Variants in PRPF8 observed in about 807,000 individuals in gnomAD.
PRPF8 encodes the protein pre-mRNA processing factor 8.
In PRPF8, 64 loss-of-function variants were observed where a neutral mutation model predicts 285.9. The ratio of observed to expected loss-of-function variants is 0.22; its 90% confidence interval spans 0.18 to 0.28. The LOEUF (loss-of-function observed/expected upper bound fraction) is 0.28. Ranked by LOEUF, PRPF8 falls within the 10% of genes least tolerant of loss-of-function variation. The probability of loss-of-function intolerance (pLI) is 1.00; values close to 1 mark genes in which losing one functional copy is unlikely to be tolerated. For synonymous variants in PRPF8, 1,325 were observed against 1,118.2 expected, an observed-to-expected ratio of 1.18 and a Z score of -3.69; for missense variants, 1,426 against 3,026.7, an observed-to-expected ratio of 0.47 and a Z score of 12.41.
At chr17:1,655,619 ACCCAAGAAT>A (rs1911330193) in intron 36 of PRPF8, 76 bp from the exon 37 acceptor site, 1 of 1,357,716 alleles carries the variant, frequency 7.4e-7, no homozygotes, top group East Asian at 2.3e-5. Context: ...CTTTCATGAA[ACCCAAGAAT>A]TTTTTTTTTT....
Position 1,683,709 on chromosome 17 carries a change from G to A in PRPF8, c.101-8C>T, listed in dbSNP as rs369806898. Reference sequence around the variant, plus strand: ...ATTGCTGCCATTTTCGAGCTGGAAAGGCACCTCAGTTTAAAGGCCTGCACA... The same window carrying A: ...ATTGCTGCCATTTTCGAGCTGGAAAAGCACCTCAGTTTAAAGGCCTGCACA... On this transcript the variant is annotated splice_region_variant and splice_polypyrimidine_tract_variant and intron_variant, in intron 2 of 42. Transcript: ENST00000304992. 4.6e-4 allele frequency: 742 copies of A among 1,613,694 alleles called. No homozygotes were observed. The highest frequency in any genetic ancestry group is 7.0e-4 in the Admixed American group (42 of 59,974).
chr17:1,665,788 G>C (rs1911941579), intron 24 of PRPF8, among the ~76,000 whole-genome samples: 1 of 150,862 alleles, frequency 6.6e-6, no homozygotes, highest in South Asian at 2.1e-4. Context: ...GGAGGTTGCA[G>C]TGAGCTGAGA....
intron 7 of PRPF8, 23 bp from the exon 8 acceptor site, chr17:1,680,854 C>T: frequency 6.2e-7 from 1 of 1,613,940 alleles, no homozygotes; most frequent in Non-Finnish European, 8.5e-7. Context: ...GAAGAGTCAG[C>T]CAAAGTTTTC....
In PRPF8 at chr17:1,678,659, T is replaced by C. The variant is rs200224854; in HGVS notation, c.1720-7A>G. ...ACTGCAATCCATCTGCCAGCTGCAA[T>C]ACAATTGCCCCATCAGACCTGGAGC... is the stretch of plus-strand genomic sequence containing the variant. On this transcript the variant is annotated splice_polypyrimidine_tract_variant and splice_region_variant and intron_variant, in intron 12 of 42. Transcript: ENST00000304992. 6.7e-4 allele frequency: 1,083 copies of C among 1,613,988 alleles called. No individual in the cohort carries two copies. Among genetic ancestry groups the C allele is most frequent in the Non-Finnish European group, 8.6e-4 (1,012 of 1,180,018 alleles).
chr17:1,683,977 C>A (rs900637403), intron 2 of PRPF8, among the ~76,000 whole-genome samples: 1 of 151,634 alleles, frequency 6.6e-6, no homozygotes, highest in African/African-American at 2.4e-5. Flanking sequence ...ACCTCCGCCT[C>A]CTGGGTTCAA....
At chr17:1,669,469 T>TC (rs1912189397) in intron 24 of PRPF8, among the ~76,000 whole-genome samples, 1 of 152,238 alleles carries the variant, frequency 6.6e-6, no homozygotes, top group Admixed American at 6.5e-5. Context: ...CACGCTCAAG[T>TC]CACTGTCATT....
rs1025873118 is a variant in PRPF8, at chr17:1,658,208, G to A, written c.5505+45C>T. The A allele has an allele frequency of 2.1e-5, 34 of 1,613,344 alleles. No individual in the cohort carries two copies. In the South Asian group the frequency reaches 3.4e-4, roughly 16 times the overall value. ...ATTACCAAGTCCACCCCAAGAATAA[G>A]AGGCAACATGGTTCTACAGCCTCTT... On this transcript the variant is annotated intron_variant, in intron 34 of 42. Transcript: ENST00000304992. This position sits in a 1 kb window ranked among gnomAD's most constrained non-coding sequence, Gnocchi z 4.1.
chr17:1,653,421 A>T lies in PRPF8; in HGVS notation c.6369+121T>A. 7.2e-7 allele frequency: 1 copy of T among 1,394,892 alleles called. No homozygotes were observed. Among genetic ancestry groups the T allele is most frequent in the Non-Finnish European group, 1.0e-6 (1 of 992,686 alleles). The allele number at this position is 1,394,892 out of a possible 1,614,324, so 86.4% of individuals were successfully genotyped here. On this transcript the variant is annotated intron_variant, in intron 39 of 42. Transcript: ENST00000304992. The surrounding 1 kb of genome is among the most constrained non-coding windows in gnomAD (Gnocchi z 4.9). ...ACCTCGTTGTTTTGGCTATCCTTGT[A>T]TAATTACTCATCCATGAATCTTGAA...
At position 1,673,064 on chromosome 17, in the gene PRPF8, G is replaced by C; in HGVS notation, c.3774+17C>G. On this transcript the variant is annotated intron_variant, in intron 24 of 42. Transcript: ENST00000304992. The surrounding 1 kb of genome is among the most constrained non-coding windows in gnomAD (Gnocchi z 5.5). ...CAGCAGAGGACAAGAGGGAAGCTGGGCATGACGGCCCTGTACCTTGGTGAA... is the reference window on the plus strand; with the variant it reads ...CAGCAGAGGACAAGAGGGAAGCTGGCCATGACGGCCCTGTACCTTGGTGAA... 1 of 1,610,386 alleles carries C rather than the reference G, an allele frequency of 6.2e-7. No homozygotes were observed. The highest frequency in any genetic ancestry group is 8.5e-7 in the Non-Finnish European group (1 of 1,176,556).
intron 2 of PRPF8, 69 bp downstream of exon 2, chr17:1,684,403 C>A: frequency 6.5e-7 from 1 of 1,536,200 alleles, no homozygotes; most frequent in Non-Finnish European, 9.0e-7. Flanking sequence ...GGGAGGGTCC[C>A]CACCCGCCTG....
intron 37 of PRPF8, 136 bp from the exon 38 acceptor site, chr17:1,654,152 AG>A (rs1267683811): frequency 3.8e-5 from 51 of 1,341,904 alleles, no homozygotes; most frequent in African/African-American, 2.4e-4. Context: ...CTGCTTCTAC[AG>A]GAAGTGTGAA....
At chr17:1,667,522 C>A (rs1912057594) in intron 24 of PRPF8, among the ~76,000 whole-genome samples, 1 of 148,326 alleles carries the variant, frequency 6.7e-6, no homozygotes, top group African/African-American at 2.5e-5. Flanking sequence ...AGTTATAGAA[C>A]TTGCCCATGA....
chr17:1,675,888 T>G lies in PRPF8; in HGVS notation c.2679+40A>C. 1 of 1,611,520 alleles carries G rather than the reference T, an allele frequency of 6.2e-7. No homozygotes were observed. The highest frequency in any genetic ancestry group is 8.5e-7 in the Non-Finnish European group (1 of 1,179,584). On this transcript the variant is annotated intron_variant, in intron 18 of 42. Coordinates refer to ENST00000304992, the MANE Select transcript of PRPF8 (RefSeq NM_006445.4). The surrounding 1 kb of genome is among the most constrained non-coding windows in gnomAD (Gnocchi z 6.0). Reference sequence around the variant, plus strand: ...GTAGAACCAAAGGCAACTGCTACCTTTGGTAGAACCAAAAAGAAAACTTGG... The same window carrying G: ...GTAGAACCAAAGGCAACTGCTACCTGTGGTAGAACCAAAAAGAAAACTTGG...
chr17:1,662,742 C>T (rs1911737028), intron 24 of PRPF8, among the ~76,000 whole-genome samples: 2 of 147,678 alleles, frequency 1.4e-5, no homozygotes, highest in Non-Finnish European at 3.0e-5. Context: ...ACTAAAAATA[C>T]AGAAATTGAA....
Position 1,659,182 on chromosome 17 carries a change from C to T in PRPF8, c.5138+175G>A, listed in dbSNP as rs1385613784. ...CTGGGACTACAGGCGTGGACCACCA[C>T]GCCCAGCTAATTTTTTGTATTTTGG... On this transcript the variant is annotated intron_variant, in intron 32 of 42. Coordinates refer to ENST00000304992, the MANE Select transcript of PRPF8 (RefSeq NM_006445.4). The surrounding 1 kb of genome is among the most constrained non-coding windows in gnomAD (Gnocchi z 5.1). The T allele has an allele frequency of 2.0e-5, 15 of 749,560 alleles. No homozygotes were observed. The highest frequency in any genetic ancestry group is 2.7e-5 in the Non-Finnish European group (12 of 437,964). The allele number at this position is 749,560 out of a possible 1,614,324, so 46.4% of individuals were successfully genotyped here.
At chr17:1,670,885 A>G (rs1912275948) in intron 24 of PRPF8, among the ~76,000 whole-genome samples, 1 of 152,052 alleles carries the variant, frequency 6.6e-6, no homozygotes, top group Non-Finnish European at 1.5e-5. Flanking sequence ...GCAAGAGTGA[A>G]TCATCTAACA....
Position 1,679,751 on chromosome 17 carries a change from A to T in PRPF8, c.1147T>A (p.Phe383Ile). The T allele has an allele frequency of 6.2e-7, 1 of 1,614,048 alleles. No homozygotes were observed. The highest frequency in any genetic ancestry group is 1.7e-5 in the Admixed American group (1 of 59,984). ...DDDEEFELPE[F>I]VEPFLKDTPL... is the part of the protein sequence containing the mutation. Reference sequence around the variant, plus strand: ...GTGTCCTTCAGGAAGGGCTCCACAAACTCCGGGAGCTCAAATTCCTCATCA... The same window carrying T: ...GTGTCCTTCAGGAAGGGCTCCACAATCTCCGGGAGCTCAAATTCCTCATCA... The change falls in exon 9 of 43, where the codon TTT becomes ATT. Residue 383 changes from phenylalanine (F) to isoleucine (I), a missense_variant. Around this residue, in one of 34 missense-constraint regions of PRPF8, gnomAD observed 137 missense variants for 161.2 expected, o/e 0.85. Transcript: ENST00000304992. The surrounding 1 kb of genome is among the most constrained non-coding windows in gnomAD (Gnocchi z 4.7).
rs1677558393 is a variant in PRPF8, at chr17:1,675,635, A to G, written c.2857T>C (p.Tyr953His). ...ADTEPPPLLV[Y>H]KWCQGINNLQ... Reference sequence around the variant, plus strand: ...AAAGTTCTACCTTGACACCACTTGTAAACAAGCAGCGGAGGTGGTTCTGTG... The same window carrying G: ...AAAGTTCTACCTTGACACCACTTGTGAACAAGCAGCGGAGGTGGTTCTGTG... The change falls in exon 19 of 43, where the codon TAC (tyrosine) becomes CAC (histidine). Residue 953 changes from tyrosine to histidine, a missense_variant. Tyr to His is a moderately conservative substitution (Grantham distance 83). Coordinates refer to ENST00000304992, the MANE Select transcript of PRPF8 (RefSeq NM_006445.4). The surrounding 1 kb of genome is among the most constrained non-coding windows in gnomAD (Gnocchi z 6.0). 1.2e-6 allele frequency: 2 copies of G among 1,614,056 alleles called. No homozygotes were observed. Among genetic ancestry groups the G allele is most frequent in the Non-Finnish European group, 1.7e-6 (2 of 1,180,040 alleles).
At chr17:1,668,351 ATTCTT>A (rs1488637564) in intron 24 of PRPF8, among the ~76,000 whole-genome samples, 23 of 132,104 alleles carry the variant, frequency 1.7e-4, no homozygotes, top group African/African-American at 5.7e-4. Context: ...GGGGTCTAGC[ATTCTT>A]TTTTTTTTTT....
Sources: allele counts gnomAD v4.1 joint callset (sites outside exome capture counted in the v4.1 genomes callset), GRCh38; gene constraint gnomAD v4.1.1; regional missense constraint gnomAD v4.1.1; non-coding constraint Gnocchi (gnomAD v3.1); transcripts MANE v1.5; gene names NCBI Gene and HGNC (gene_info 2026-07-23, HGNC 2026-07-21).